Variants in RBFOX1 observed in about 807,000 individuals in gnomAD.
RBFOX1 encodes RNA binding fox-1 homolog 1, also known as RNA binding protein fox-1 homolog 1.
Under a neutral mutation model 57.7 loss-of-function variants are expected in RBFOX1, and 8 were observed. The ratio of observed to expected loss-of-function variants is 0.14; its 90% confidence interval spans 0.08 to 0.25. RBFOX1 has a LOEUF of 0.25. Among genes scored for constraint, RBFOX1 ranks in the 10% least tolerant of loss-of-function variants. RBFOX1 has a pLI of 1.00. For missense variants in RBFOX1, 611 were observed against 548.5 expected (o/e 1.11, Z -1.14); for synonymous variants, 326 against 222.4 (o/e 1.47, Z -4.15).
intron 4 of RBFOX1, among the ~76,000 whole-genome samples, chr16:7,377,366 A>G (rs1439109889): frequency 6.6e-6 from 1 of 152,192 alleles, no homozygotes; most frequent in Non-Finnish European, 1.5e-5. Flanking sequence ...TCTCATTCAG[A>G]AGAACCAGGC....
chr16:5,343,452 C>G (rs1596586347), intron 1 of RBFOX1, among the ~76,000 whole-genome samples: 1 of 150,398 alleles, frequency 6.6e-6, no homozygotes. Context: ...GTAGCTGGGA[C>G]TACAGGTTCC....
intron 4 of RBFOX1, among the ~76,000 whole-genome samples, chr16:7,079,828 G>A (rs1411877653): frequency 6.6e-6 from 1 of 152,086 alleles, no homozygotes; most frequent in East Asian, 1.9e-4. Flanking sequence ...ATGGTTGCTA[G>A]TGGCTGTAGG....
chr16:7,246,887 C>T (rs191868226), intron 4 of RBFOX1, among the ~76,000 whole-genome samples: 158 of 152,242 alleles, frequency 1.0e-3, no homozygotes, highest in African/African-American at 3.7e-3. Context: ...ATCCACGAGA[C>T]AGGAAAGTTA....
intron 4 of RBFOX1, among the ~76,000 whole-genome samples, chr16:7,299,929 A>G (rs2095990683): frequency 6.6e-6 from 1 of 152,206 alleles, no homozygotes; most frequent in African/African-American, 2.4e-5. Flanking sequence ...CTTACCATGG[A>G]TTTATCCAGA....
intron 4 of RBFOX1, among the ~76,000 whole-genome samples, chr16:5,925,437 A>T (rs569659841): frequency 6.6e-6 from 1 of 152,316 alleles, no homozygotes; most frequent in South Asian, 2.1e-4. Context: ...GCATTTATAA[A>T]AGTGTCCAGA....
chr16:6,899,144 GAC>G (rs1194589964), intron 3 of RBFOX1, among the ~76,000 whole-genome samples: 40 of 151,064 alleles, frequency 2.6e-4, no homozygotes, highest in African/African-American at 9.2e-4. Flanking sequence ...TGTGTGTATG[GAC>G]ACACGTGTAT....
intron 3 of RBFOX1, among the ~76,000 whole-genome samples, chr16:6,684,227 G>T (rs139484208): frequency 2.1e-3 from 314 of 152,292 alleles, no homozygotes; most frequent in African/African-American, 7.2e-3. Flanking sequence ...TGGAACTGGT[G>T]GGTTGCTGGT....
At chr16:7,667,683 G>A in intron 13 of RBFOX1, among the ~76,000 whole-genome samples, 1 of 136,864 alleles carries the variant, frequency 7.3e-6, no homozygotes, top group South Asian at 2.5e-4. Flanking sequence ...ACCTCTTTTT[G>A]TTATTATTAT....
At chr16:5,545,077 A>G (rs12373030) in intron 2 of RBFOX1, among the ~76,000 whole-genome samples, 44,793 of 147,594 alleles carry the variant, frequency 0.3, 7,286 homozygotes, top group Non-Finnish European at 0.36. Context: ...CCTGGGTTCA[A>G]GTGATTCTTC....
chr16:7,602,880 C>A (rs1025098592), intron 9 of RBFOX1, among the ~76,000 whole-genome samples: 7 of 152,190 alleles, frequency 4.6e-5, no homozygotes, highest in Non-Finnish European at 8.8e-5. Context: ...TAAACTATAT[C>A]AAGTATTTTC....
chr16:7,379,454 C>T (rs1270960707), intron 4 of RBFOX1, among the ~76,000 whole-genome samples: 1 of 152,098 alleles, frequency 6.6e-6, no homozygotes, highest in African/African-American at 2.4e-5. Flanking sequence ...TGAATTGGAG[C>T]TTTATATAAG....
chr16:7,056,799 A>C (rs2052443836), intron 4 of RBFOX1, among the ~76,000 whole-genome samples: 1 of 152,192 alleles, frequency 6.6e-6, no homozygotes, highest in African/African-American at 2.4e-5. Context: ...CATGACTGCC[A>C]GATTCTGTTC....
intron 3 of RBFOX1, among the ~76,000 whole-genome samples, chr16:6,944,474 CT>C (rs1268973528): frequency 1.3e-5 from 2 of 151,732 alleles, no homozygotes; most frequent in Non-Finnish European, 2.9e-5. Context: ...CCTTACATGA[CT>C]TATCTCCACA....
intron 2 of RBFOX1, among the ~76,000 whole-genome samples, chr16:5,547,000 T>A (rs1044281011): frequency 1.3e-5 from 2 of 152,146 alleles, no homozygotes; most frequent in Admixed American, 1.3e-4. Flanking sequence ...CATGAAAACT[T>A]GTTCAACATC....
chr16:7,702,155 G>A (rs1427915049), intron 14 of RBFOX1, among the ~76,000 whole-genome samples: 2 of 152,262 alleles, frequency 1.3e-5, no homozygotes, highest in South Asian at 2.1e-4. Flanking sequence ...CTTACAACCT[G>A]GGATTCTGCG....
chr16:7,423,929 C>G lies in RBFOX1; in HGVS notation c.28-94218C>G, dbSNP rs534207702. ...CTGAAGGAAACCTTGTGTTTTAATCCCAAGAAGTCACCTTTTTTGAAGATT... is the reference window on the plus strand; with the variant it reads ...CTGAAGGAAACCTTGTGTTTTAATCGCAAGAAGTCACCTTTTTTGAAGATT... On this transcript the variant is annotated intron_variant, in intron 4 of 15. Coordinates refer to ENST00000550418, the MANE Select transcript of RBFOX1 (RefSeq NM_018723.4). 1.1e-3 allele frequency among the ~76,000 whole-genome samples: 161 copies of G among 152,192 alleles called. 1 individual carries two copies. The highest frequency in any genetic ancestry group is 3.8e-3 in the African/African-American group (156 of 41,514).
rs147856032 is a variant in RBFOX1 at position 6,877,688 on chromosome 16, C to G, written c.-15-174369C>G. Among the ~76,000 whole-genome samples, 244 of 152,242 alleles carry G rather than the reference C, an allele frequency of 1.6e-3. 1 individual carries two copies. Among genetic ancestry groups the G allele is most frequent in the African/African-American group, 5.7e-3 (235 of 41,548 alleles). On this transcript the variant is annotated intron_variant, in intron 3 of 15. Transcript: ENST00000550418. The stretch of plus-strand genomic sequence containing the variant: ...GAATCAGAGCAAGGATTGCTATTCT[C>G]TGTGTATAGTGAGAAAATAGAGGCT...
Position 7,545,702 on chromosome 16 carries a change from C to T in RBFOX1, c.270+27313C>T, listed in dbSNP as rs753892133. ...ACACGGTGACTTGATTTACCTAAGG[C>T]TGCTATATTCTTTCCGAATGTTCTT... On this transcript the variant is annotated intron_variant, in intron 5 of 15. Coordinates refer to ENST00000550418, the MANE Select transcript of RBFOX1 (RefSeq NM_018723.4). Among the ~76,000 whole-genome samples, 8 of 152,116 alleles carry T rather than the reference C, an allele frequency of 5.3e-5. 1 individual carries two copies. The highest frequency in any genetic ancestry group is 1.2e-4 in the Non-Finnish European group (8 of 68,028).
At chr16:7,388,667 T>TTTTA (rs2097926305) in intron 4 of RBFOX1, among the ~76,000 whole-genome samples, 1 of 116,548 alleles carries the variant, frequency 8.6e-6, no homozygotes. Flanking sequence ...TTTTTTTTTT[T>TTTTA]TTGACATTAT....
Sources: allele counts gnomAD v4.1 joint callset (sites outside exome capture counted in the v4.1 genomes callset), GRCh38; gene constraint gnomAD v4.1.1; transcripts MANE v1.5; gene names NCBI Gene and HGNC (gene_info 2026-07-23, HGNC 2026-07-21).